Variants in EFCAB3 observed in about 807,000 individuals in gnomAD.
The protein encoded by EFCAB3 is EF-hand calcium-binding domain-containing protein 3.
A neutral mutation model predicts 42.2 loss-of-function variants in EFCAB3; 36 were observed. That is an observed-to-expected ratio of 0.85 (90% CI 0.65 to 1.13). The LOEUF is 1.13. Ranked by LOEUF, EFCAB3 falls within the 50% of genes most tolerant of loss-of-function variation. The pLI is 0.00. For missense variants in EFCAB3, 418 were observed against 505.1 expected (o/e 0.83, Z 1.65); for synonymous variants, 170 against 172.8 (o/e 0.98, Z 0.13).
At chr17:62,386,935 T>C (rs997584758) in intron 2 of EFCAB3, among the ~76,000 whole-genome samples, 2 of 151,974 alleles carry the variant, frequency 1.3e-5, no homozygotes, top group Admixed American at 6.5e-5. Context: ...ACTACAGGCC[T>C]GTGCCACCAC....
chr17:62,375,520 C>T (rs896080447), intron 2 of EFCAB3, among the ~76,000 whole-genome samples: 1 of 152,212 alleles, frequency 6.6e-6, no homozygotes, highest in East Asian at 1.9e-4. Flanking sequence ...GCAAGGTTCC[C>T]ACTCTCACAA....
At position 62,407,181 on chromosome 17, in the gene EFCAB3, AT is replaced by A; in HGVS notation, c.842del (p.Phe281SerfsTer13). ...GAGCCTTTGCATTTCTTTGAGGATT[AT>A]TTTTTCCATAAAAGAGACTGGAAAA... is the stretch of plus-strand genomic sequence containing the variant. ...IKEPLHFFEDYFFHKRDWKTQ... is the reference protein window; with the variant it reads ...IKEPLHFFEDXFFHKRDWKTQ... On this transcript the variant is annotated frameshift_variant, in exon 8 of 10. Coordinates refer to ENST00000305286, the MANE Select transcript of EFCAB3 (RefSeq NM_173503.4). LOFTEE classifies it high-confidence loss of function. 1 of 1,595,706 alleles carries A rather than the reference AT, an allele frequency of 6.3e-7. No individual in the cohort carries two copies. The highest frequency in any genetic ancestry group is 1.2e-5 in the South Asian group (1 of 86,732).
At chr17:62,395,376 C>G (rs1197505359) in intron 6 of EFCAB3, among the ~76,000 whole-genome samples, 188 bp downstream of exon 6, 2 of 152,128 alleles carry the variant, frequency 1.3e-5, no homozygotes, top group Non-Finnish European at 2.9e-5. Flanking sequence ...ACAGTCCTTC[C>G]CAGCTCTAAA....
At chr17:62,383,113 A>T in intron 2 of EFCAB3, 60 bp downstream of exon 2, 1 of 1,460,468 alleles carries the variant, frequency 6.8e-7, no homozygotes, top group Non-Finnish European at 9.3e-7. Context: ...TTAGTGTTAC[A>T]GCTCTTTTAG....
At chr17:62,409,949 C>T (rs1458987888) in intron 8 of EFCAB3, among the ~76,000 whole-genome samples, 1 of 152,092 alleles carries the variant, frequency 6.6e-6, no homozygotes, top group Non-Finnish European at 1.5e-5. Context: ...CCTGTAATCC[C>T]AGCACTTTGG....
intron 6 of EFCAB3, chr17:62,397,575 G>A: frequency 1.2e-5 from 7 of 599,482 alleles, no homozygotes; most frequent in Non-Finnish European, 2.3e-5. Flanking sequence ...GAAAAAATAG[G>A]GGTTGAAACC....
At chr17:62,401,953 C>A (rs1354083825) in intron 6 of EFCAB3, among the ~76,000 whole-genome samples, 2 of 152,148 alleles carry the variant, frequency 1.3e-5, no homozygotes, top group African/African-American at 4.8e-5. Context: ...TTTGTGTCTT[C>A]TTTTATTTCG....
At chr17:62,414,519 C>G (rs1399044575) in intron 9 of EFCAB3, among the ~76,000 whole-genome samples, 4 of 152,124 alleles carry the variant, frequency 2.6e-5, no homozygotes, top group Non-Finnish European at 2.9e-5. Flanking sequence ...CAAAACTCAT[C>G]ATCTTCTGCA....
At chr17:62,408,840 C>T (rs2070469994) in intron 8 of EFCAB3, among the ~76,000 whole-genome samples, 1 of 152,202 alleles carries the variant, frequency 6.6e-6, no homozygotes, top group African/African-American at 2.4e-5. Context: ...GCTCTCACAT[C>T]ATGGTCTATG....
intron 1 of EFCAB3, chr17:62,381,644 C>A (rs2070199919): frequency 5.3e-6 from 1 of 189,456 alleles, no homozygotes; most frequent in Admixed American, 6.2e-5. Flanking sequence ...GGCCTTGCCA[C>A]CGCCTCCGTA....
intron 1 of EFCAB3, chr17:62,381,869 C>A: frequency 4.7e-6 from 2 of 424,776 alleles, no homozygotes; most frequent in South Asian, 1.9e-5. Context: ...GTGTACCTGC[C>A]GGTGGGGCTG....
At chr17:62,413,696 T>G in intron 8 of EFCAB3, 36 bp from the exon 9 acceptor site, 1 of 1,513,074 alleles carries the variant, frequency 6.6e-7, no homozygotes, top group South Asian at 1.3e-5. Flanking sequence ...CAAATTAAAA[T>G]GTATTACTAA....
rs750780399 is a variant in EFCAB3, at chr17:62,395,205, G to A, written c.488+17G>A. 1.9e-6 allele frequency: 3 copies of A among 1,608,696 alleles called. No individual in the cohort carries two copies. Among genetic ancestry groups the A allele is most frequent in the African/African-American group, 1.3e-5 (1 of 74,460 alleles). ...AATAGTAAGGTAAGTGAGAAGGAAAGGAGCAAAAACAGCCTTCTCAGAAGC... is the reference window on the plus strand; with the variant it reads ...AATAGTAAGGTAAGTGAGAAGGAAAAGAGCAAAAACAGCCTTCTCAGAAGC... On this transcript the variant is annotated intron_variant, in intron 6 of 9. Transcript: ENST00000305286.
intron 6 of EFCAB3, among the ~76,000 whole-genome samples, chr17:62,405,601 T>C (rs1224046654): frequency 1.3e-5 from 2 of 152,178 alleles, no homozygotes; most frequent in African/African-American, 2.4e-5. Flanking sequence ...ATCCCTACCA[T>C]AGCTGCAGAG....
chr17:62,407,583 C>T lies in EFCAB3; in HGVS notation c.867+371C>T, dbSNP rs138228157. 5.7e-3 allele frequency among the ~76,000 whole-genome samples: 869 copies of T among 152,244 alleles called. 5 individuals are homozygous for T. The highest frequency in any genetic ancestry group is 0.02 in the African/African-American group (818 of 41,538). The stretch of plus-strand genomic sequence containing the variant: ...CACCATGAGATGAGAAGACCAGGCC[C>T]GCAACCCAAAGGGGCAGTGCTGTGA... On this transcript the variant is annotated intron_variant, in intron 8 of 9. Transcript: ENST00000305286.
At chr17:62,389,548 A>C (rs1046670961) in intron 3 of EFCAB3, among the ~76,000 whole-genome samples, 5 of 152,172 alleles carry the variant, frequency 3.3e-5, no homozygotes, top group Non-Finnish European at 5.9e-5. Context: ...TGAATACTTC[A>C]AGATCCCCAG....
At position 62,404,664 on chromosome 17, in the gene EFCAB3, C is replaced by T. The variant is rs887958263; in HGVS notation, c.489-1816C>T. Among the ~76,000 whole-genome samples the T allele has an allele frequency of 3.3e-5, 5 of 152,102 alleles. No homozygotes were observed. The South Asian group carries it at 6.2e-4, about 19-fold the overall frequency. ...GTACAAAATTAGCCAGGCATGGTGG[C>T]GCATGCCTTTAATCCCAGCTATTCG... On this transcript the variant is annotated intron_variant, in intron 6 of 9. Transcript: ENST00000305286.
intron 2 of EFCAB3, among the ~76,000 whole-genome samples, chr17:62,386,714 C>T (rs2070254543): frequency 6.6e-6 from 1 of 152,134 alleles, no homozygotes; most frequent in African/African-American, 2.4e-5. Context: ...TCTGTATAAC[C>T]TGAGACAAAT....
chr17:62,391,692 C>T, intron 3 of EFCAB3, 130 bp from the exon 4 acceptor site: 1 of 938,886 alleles, frequency 1.1e-6, no homozygotes, highest in Non-Finnish European at 1.6e-6. Flanking sequence ...GTCTATTAAG[C>T]ACTCATTTTT....
Sources: allele counts gnomAD v4.1 joint callset (sites outside exome capture counted in the v4.1 genomes callset), GRCh38; gene constraint gnomAD v4.1.1; transcripts MANE v1.5; gene names NCBI Gene and HGNC (gene_info 2026-07-23, HGNC 2026-07-21).